B3GALT1: variants seen among roughly 807,000 people sequenced by gnomAD.
B3GALT1 encodes UDP-Gal:betaGlcNAc beta 1,3-galactosyltransferase, polypeptide 1.
In B3GALT1, 10 loss-of-function variants were observed where a neutral mutation model predicts 23.2. The ratio of observed to expected loss-of-function variants is 0.43; its 90% CI spans 0.27 to 0.73. The LOEUF is 0.73. Among genes scored for constraint, B3GALT1 ranks in the 30% least tolerant of loss-of-function variants. B3GALT1 has a pLI of 0.21. For missense variants in B3GALT1, 299 were observed against 405.4 expected, an observed-to-expected ratio of 0.74 and a Z score of 2.25; for synonymous variants, 156 against 141.5, an observed-to-expected ratio of 1.10 and a Z score of -0.73.
intron 2 of B3GALT1, among the ~76,000 whole-genome samples, chr2:167,528,853 G>A (rs556299177): frequency 1.4e-4 from 22 of 152,198 alleles, no homozygotes; most frequent in African/African-American, 5.3e-4. Context: ...GGATTCCTAG[G>A]AGGTCTCCTG....
Position 167,869,024 on chromosome 2 carries a change from AC to A in B3GALT1, c.-15del. On this transcript the variant is annotated 5_prime_UTR_variant, in exon 5 of 5. Transcript: ENST00000392690. The surrounding 1 kb of genome is among the most constrained non-coding windows in gnomAD (Gnocchi z 6.4). ...GCGTATTCTTCAATATTTGGAATAG[AC>A]GTGTTCTCAAGACAATGGCTTCAAA... The A allele has an allele frequency of 6.3e-7, 1 of 1,580,556 alleles. No individual in the cohort carries two copies. The highest frequency in any genetic ancestry group is 8.6e-7 in the Non-Finnish European group (1 of 1,163,840).
At chr2:167,559,365 G>A (rs996898584) in intron 2 of B3GALT1, among the ~76,000 whole-genome samples, 112 of 152,228 alleles carry the variant, frequency 7.4e-4, no homozygotes, top group African/African-American at 2.5e-3. Context: ...AAAAAACAGA[G>A]CAGAAAAACT....
chr2:167,628,551 C>T (rs1261121518), intron 2 of B3GALT1, among the ~76,000 whole-genome samples: 1 of 151,718 alleles, frequency 6.6e-6, no homozygotes, highest in African/African-American at 2.4e-5. Context: ...AGTAGGATTT[C>T]TGTAGAGTGG....
chr2:167,337,004 G>T (rs1221353593), intron 1 of B3GALT1, among the ~76,000 whole-genome samples: 1 of 152,214 alleles, frequency 6.6e-6, no homozygotes, highest in South Asian at 2.1e-4. Context: ...GCTGTCCGAG[G>T]ATTACATGCC....
chr2:167,752,877 T>A (rs1483673248), intron 3 of B3GALT1, among the ~76,000 whole-genome samples: 1 of 152,178 alleles, frequency 6.6e-6, no homozygotes. Context: ...CTGAACTGTC[T>A]CCTGAGTGAG....
rs759166607 is a variant in B3GALT1 at position 167,639,432 on chromosome 2, A to G, written c.-409-7477A>G. Among the ~76,000 whole-genome samples, 96 of 152,060 alleles carry G rather than the reference A, an allele frequency of 6.3e-4. 2 individuals carry two copies. Among genetic ancestry groups the G allele is most frequent in the Admixed American group, 2.0e-4 (3 of 15,220 alleles). ...GAAGTCATTTATTTTTTAAATATCC[A>G]GTAACCTGCAAAGATTCTTCAGTCC... On this transcript the variant is annotated intron_variant, in intron 2 of 4. Transcript: ENST00000392690.
chr2:167,588,694 C>T (rs1684619405), intron 2 of B3GALT1, among the ~76,000 whole-genome samples: 1 of 151,642 alleles, frequency 6.6e-6, no homozygotes, highest in South Asian at 2.1e-4. Context: ...ATACTATTTG[C>T]TTATATGTTT....
intron 3 of B3GALT1, among the ~76,000 whole-genome samples, chr2:167,716,476 C>T (rs1461168060): frequency 6.6e-6 from 1 of 152,170 alleles, no homozygotes; most frequent in Non-Finnish European, 1.5e-5. Flanking sequence ...ATCTGATATA[C>T]GTACAGGCAC....
At chr2:167,717,684 T>C (rs1040655949) in intron 3 of B3GALT1, among the ~76,000 whole-genome samples, 2 of 152,154 alleles carry the variant, frequency 1.3e-5, no homozygotes, top group Non-Finnish European at 2.9e-5. Flanking sequence ...TCCTCCTCCT[T>C]TGGTTTCTTT....
rs1022856987 is a variant in B3GALT1 at position 167,808,370 on chromosome 2, G to A, written c.-351-10302G>A. ...ATGATGTTAGCTGGTTATTTTGCTC[G>A]TTAGTTGATGCAGTTTCTTCCTAGC... On this transcript the variant is annotated intron_variant, in intron 3 of 4. Transcript: ENST00000392690. Among the ~76,000 whole-genome samples, 56 of 151,592 alleles carry A rather than the reference G, an allele frequency of 3.7e-4. No individual in the cohort carries two copies. In the Middle Eastern group the frequency reaches 0.017, roughly 46 times the overall value.
intron 2 of B3GALT1, among the ~76,000 whole-genome samples, chr2:167,633,758 G>T (rs1685500845): frequency 6.6e-6 from 1 of 151,694 alleles, no homozygotes; most frequent in Non-Finnish European, 1.5e-5. Context: ...AGACTTTAAT[G>T]CCCCACTGTC....
chr2:167,357,885 GATTA>G (rs1033758125), intron 1 of B3GALT1, among the ~76,000 whole-genome samples: 3 of 152,096 alleles, frequency 2.0e-5, no homozygotes, highest in African/African-American at 7.2e-5. Flanking sequence ...TTGAATTCAG[GATTA>G]ATTTTTAGCA....
At chr2:167,466,879 ATTTTTT>A (rs567975404) in intron 1 of B3GALT1, among the ~76,000 whole-genome samples, 8 of 85,056 alleles carry the variant, frequency 9.4e-5, no homozygotes, top group Admixed American at 8.8e-4. Flanking sequence ...CGCCTGGCTA[ATTTTTT>A]TTTTTTTTTT....
chr2:167,640,696 C>A (rs118131636), intron 2 of B3GALT1, among the ~76,000 whole-genome samples: 1,713 of 152,152 alleles, frequency 0.011, 60 homozygotes, highest in Admixed American at 0.065. Flanking sequence ...GATGCCAGCA[C>A]TCTAAAAAAT....
At chr2:167,476,554 G>A (rs1225016587) in intron 1 of B3GALT1, among the ~76,000 whole-genome samples, 1 of 152,070 alleles carries the variant, frequency 6.6e-6, no homozygotes, top group African/African-American at 2.4e-5. Context: ...TCCTTTCAAG[G>A]GGGGATACTG....
intron 3 of B3GALT1, among the ~76,000 whole-genome samples, chr2:167,759,887 T>G (rs2105296743): frequency 6.6e-6 from 1 of 152,330 alleles, no homozygotes; most frequent in Middle Eastern, 3.4e-3. Flanking sequence ...GATTTTGTGT[T>G]CATCTAGGCT....
intron 1 of B3GALT1, among the ~76,000 whole-genome samples, chr2:167,315,185 T>C (rs1202140274): frequency 6.6e-6 from 1 of 152,148 alleles, no homozygotes; most frequent in Non-Finnish European, 1.5e-5. Flanking sequence ...TAAACTGTTT[T>C]TTTGCTCCAC....
intron 3 of B3GALT1, among the ~76,000 whole-genome samples, chr2:167,747,054 C>T (rs1241956063): frequency 5.3e-5 from 8 of 152,046 alleles, no homozygotes; most frequent in Non-Finnish European, 1.2e-4. Context: ...CACTAAATTC[C>T]GATGATTTAA....
At chr2:167,666,267 A>C (rs1409141511) in intron 3 of B3GALT1, among the ~76,000 whole-genome samples, 1 of 152,168 alleles carries the variant, frequency 6.6e-6, no homozygotes, top group Non-Finnish European at 1.5e-5. Flanking sequence ...GTTTTGAGTG[A>C]GATTCTTAAT....
Sources: allele counts gnomAD v4.1 joint callset (sites outside exome capture counted in the v4.1 genomes callset), GRCh38; gene constraint gnomAD v4.1.1; non-coding constraint Gnocchi (gnomAD v3.1); transcripts MANE v1.5; gene names NCBI Gene and HGNC (gene_info 2026-07-23, HGNC 2026-07-21).